The following AP5Z1 variants were observed in gnomAD, a reference collection of about 807,000 sequenced individuals.
AP5Z1 encodes the protein adaptor related protein complex 5 subunit zeta 1, also known as AP-5 complex subunit zeta-1.
Under a neutral mutation model 83.0 loss-of-function variants are expected in AP5Z1, and 106 were observed. The observed-to-expected ratio is 1.28, with a 90% CI of 1.09 to 1.50. The LOEUF (loss-of-function observed/expected upper bound fraction) is 1.50, where lower values mean the gene tolerates loss of function less well. AP5Z1 is among the 40% of genes most tolerant of loss of function. AP5Z1 has a pLI of 0.00. For missense variants in AP5Z1, 1,565 were observed against 1,094.2 expected, an observed-to-expected ratio of 1.43 and a Z score of -6.07; for synonymous variants, 751 against 514.1, an observed-to-expected ratio of 1.46 and a Z score of -6.23.
At chr7:4,785,759 C>CTT in intron 9 of AP5Z1, 75 bp downstream of exon 9, 1 of 1,318,832 alleles carries the variant, frequency 7.6e-7, no homozygotes, top group Non-Finnish European at 9.8e-7. Flanking sequence ...TTTCTTCTTC[C>CTT]CTTTTTTTTT....
intron 3 of AP5Z1, among the ~76,000 whole-genome samples, chr7:4,782,671 C>T (rs1312127164): frequency 6.6e-6 from 1 of 152,170 alleles, no homozygotes; most frequent in Non-Finnish European, 1.5e-5. Flanking sequence ...TCCTGCAGGC[C>T]ACCTCCAGGC....
intron 13 of AP5Z1, 83 bp from the exon 14 acceptor site, chr7:4,789,749 C>CA (rs1781688324): frequency 4.6e-6 from 5 of 1,075,910 alleles, no homozygotes; most frequent in Non-Finnish European, 6.8e-6. Flanking sequence ...ACCTGCCCCC[C>CA]AGCCCTCACC....
At chr7:4,784,647 C>G (rs955035608) in intron 6 of AP5Z1, among the ~76,000 whole-genome samples, 1 of 152,178 alleles carries the variant, frequency 6.6e-6, no homozygotes, top group Non-Finnish European at 1.5e-5. Flanking sequence ...AAGGCAGGCA[C>G]CCTTAAGGTT....
At chr7:4,783,974 C>T (rs1249530814) in intron 5 of AP5Z1, among the ~76,000 whole-genome samples, 176 bp downstream of exon 5, 1 of 152,270 alleles carries the variant, frequency 6.6e-6, no homozygotes, top group Middle Eastern at 3.4e-3. Flanking sequence ...CCGTGTGGCT[C>T]TGGGGGTCTG....
intron 9 of AP5Z1, 26 bp from the exon 10 acceptor site, chr7:4,786,201 GGCCAGGGCGAGGTCAAGACGTGT>G: frequency 6.6e-7 from 1 of 1,522,210 alleles, no homozygotes; most frequent in Non-Finnish European, 8.8e-7. Context: ...ACAGAAGCAC[GGCCAGGGCGAGGTCAAGACGTGT>G]GCCCTGGCGG....
In AP5Z1 at chr7:4,787,607, G is replaced by C. The variant is rs773766649; in HGVS notation, c.1312-27G>C. 4.8e-4 allele frequency: 747 copies of C among 1,543,674 alleles called. 3 individuals carry two copies. Among genetic ancestry groups the C allele is most frequent in the Non-Finnish European group, 1.7e-4 (195 of 1,144,592 alleles). Reference sequence around the variant, plus strand: ...CGCCTGCTCCACAGCTCCGAGCCGTGTCCGAACCGCTGTGCTGTGCCCACA... The same window carrying C: ...CGCCTGCTCCACAGCTCCGAGCCGTCTCCGAACCGCTGTGCTGTGCCCACA... On this transcript the variant is annotated intron_variant, in intron 10 of 16. Transcript: ENST00000649063.
At position 4,790,886 on chromosome 7, in the gene AP5Z1, A is replaced by G; in HGVS notation, c.2152A>G (p.Arg718Gly). 5 of 1,599,520 alleles carry G rather than the reference A, an allele frequency of 3.1e-6. No homozygotes were observed. Among genetic ancestry groups the G allele is most frequent in the Non-Finnish European group, 4.3e-6 (5 of 1,173,982 alleles). The stretch of plus-strand genomic sequence containing the variant: ...CTCCCGGAGCCAAGATCTGATCCCC[A>G]GGTGCCTGGTCAGGGAGGGAGCGAA... ...LASRSQDLIPRASLLLSKMRT... is the reference protein window; with the variant it reads ...LASRSQDLIPGASLLLSKMRT... The change falls in exon 16 of 17, where the codon AGG becomes GGG. Residue 718 changes from arginine (R) to glycine (G), a missense_variant and splice_region_variant. Arg to Gly is a moderately radical substitution (Grantham distance 125). Transcript: ENST00000649063.
chr7:4,777,537 G>A (rs1396552963), intron 1 of AP5Z1, among the ~76,000 whole-genome samples: 6 of 152,110 alleles, frequency 3.9e-5, no homozygotes, highest in South Asian at 4.2e-4. Context: ...ACAGGCGCCC[G>A]CCACCACACC....
chr7:4,776,241 G>A (rs536475827), intron 1 of AP5Z1, among the ~76,000 whole-genome samples: 19 of 152,274 alleles, frequency 1.2e-4, no homozygotes, highest in African/African-American at 4.6e-4. Flanking sequence ...TTGCGCGGAT[G>A]TATTAGCTAG....
At position 4,784,382 on chromosome 7, in the gene AP5Z1, T is replaced by TG. The variant is rs762521850; in HGVS notation, c.790+17dup. ...GCACCCTGGACACAGGTGTGCGGGG[T>TG]GGGGGGATGACGTCAGACAGGGGTG... On this transcript the variant is annotated intron_variant, in intron 6 of 16. Coordinates refer to ENST00000649063, the MANE Select transcript of AP5Z1 (RefSeq NM_014855.3). The TG allele has an allele frequency of 3.4e-6, 4 of 1,176,398 alleles. No individual in the cohort carries two copies. Among genetic ancestry groups the TG allele is most frequent in the African/African-American group, 3.6e-5 (2 of 56,160 alleles). The allele number at this position is 1,176,398 out of a possible 1,614,324, so 72.9% of individuals were successfully genotyped here. A position where few individuals can be genotyped will look rare whatever the true frequency, so the allele number is the denominator to read the frequency against.
At chr7:4,790,349 G>C (rs776985783) in intron 14 of AP5Z1, 110 bp from the exon 15 acceptor site, 1 of 1,567,642 alleles carries the variant, frequency 6.4e-7, no homozygotes, top group East Asian at 2.4e-5. Context: ...GGAGGGTGCA[G>C]CATACACCTA....
Position 4,784,934 on chromosome 7 carries a change from ACTCTGTCGGTGATCTCCGCCACCTC to A in AP5Z1, c.823_847del (p.Ser275ProfsTer31). The A allele has an allele frequency of 6.2e-7, 1 of 1,611,504 alleles. No individual in the cohort carries two copies. The highest frequency in any genetic ancestry group is 8.5e-7 in the Non-Finnish European group (1 of 1,179,290). ...TGACAGGTCAGAGCAGGAGGGCTCC[ACTCTGTCGGTGATCTCCGCCACCTC>A]CTCTGCCGGCCGCCTGCTGCCGCCC... On this transcript the variant is annotated frameshift_variant, in exon 7 of 17. Transcript: ENST00000649063. LOFTEE classifies it high-confidence loss of function.
intron 1 of AP5Z1, among the ~76,000 whole-genome samples, chr7:4,780,864 A>C (rs1453552993): frequency 6.6e-6 from 1 of 152,216 alleles, no homozygotes; most frequent in Non-Finnish European, 1.5e-5. Context: ...CCTACTCTTG[A>C]ATGAGACCCC....
intron 16 of AP5Z1, 76 bp from the exon 17 acceptor site, chr7:4,791,039 G>C: frequency 1.3e-6 from 2 of 1,484,592 alleles, no homozygotes; most frequent in Non-Finnish European, 1.8e-6. Context: ...GGGCGCTTCA[G>C]GCCTGGCCCC....
In AP5Z1 at chr7:4,781,271, G is replaced by C. The variant is rs1429920580; in HGVS notation, c.138G>C (p.Gln46His). 2 of 1,613,684 alleles carry C rather than the reference G, an allele frequency of 1.2e-6. No homozygotes were observed. The highest frequency in any genetic ancestry group is 3.3e-5 in the Admixed American group (2 of 60,008). ...DLGPDTLDSL[Q>H]RLFLIISATK... ...GGCCGGACACCCTCGACTCCCTGCA[G>C]AGGCTCTTCCTCATCATCTCAGCCA... The change falls in exon 2 of 17, where the codon CAG (glutamine) becomes CAC (histidine). Residue 46 changes from glutamine (Q) to histidine (H), a missense_variant. By Grantham distance (24) the Gln-to-His change is conservative. Transcript: ENST00000649063.
rs1781738852 is a variant in AP5Z1, at chr7:4,790,762, TCTG to T, written c.2031_2033del (p.Leu678del). Reference sequence around the variant, plus strand: ...ACAAGTTCTTCGAAGCCCTGGAGGCTCTGCTATTCGAGGTCACCCAGTGCCGCC... The same window carrying T: ...ACAAGTTCTTCGAAGCCCTGGAGGCTCTATTCGAGGTCACCCAGTGCCGCC... On this transcript the variant is annotated inframe_deletion, in exon 16 of 17. Transcript: ENST00000649063. The T allele has an allele frequency of 1.2e-6, 2 of 1,609,236 alleles. No individual in the cohort carries two copies. Among genetic ancestry groups the T allele is most frequent in the South Asian group, 1.1e-5 (1 of 90,296 alleles).
chr7:4,784,679 T>C (rs1254006111), intron 6 of AP5Z1, among the ~76,000 whole-genome samples: 4 of 152,046 alleles, frequency 2.6e-5, no homozygotes, highest in Non-Finnish European at 4.4e-5. Flanking sequence ...GCCACTGAGC[T>C]CCTCCCGGCT....
chr7:4,777,656 C>G (rs140394529), intron 1 of AP5Z1, among the ~76,000 whole-genome samples: 2 of 152,178 alleles, frequency 1.3e-5, no homozygotes, highest in Non-Finnish European at 2.9e-5. Flanking sequence ...CTCGAAGTGC[C>G]GGGATTACAG....
At chr7:4,783,015 G>A (rs1307390211) in intron 3 of AP5Z1, among the ~76,000 whole-genome samples, 1 of 152,236 alleles carries the variant, frequency 6.6e-6, no homozygotes, top group African/African-American at 2.4e-5. Context: ...GCAGGACGGG[G>A]TGTCCTGTGT....
Sources: gnomAD v4.1 joint callset for allele counts (sites outside exome capture counted in the v4.1 genomes callset) on GRCh38, gnomAD v4.1.1 for gene constraint, MANE v1.5 for transcripts, NCBI Gene and HGNC (gene_info 2026-07-23, HGNC 2026-07-21) for gene names.